Variants in STIM2 observed in about 807,000 individuals in gnomAD.
STIM2 encodes stromal interaction molecule 2.
STIM2 carries 31 observed loss-of-function variants against 85.8 expected under a neutral mutation model. That is an observed-to-expected ratio of 0.36 (90% CI 0.27 to 0.49). The LOEUF (loss-of-function observed/expected upper bound fraction) is 0.49. Among genes scored for constraint, STIM2 ranks in the 20% least tolerant of loss-of-function variants. STIM2 has a pLI of 0.98. For missense variants in STIM2, 841 were observed against 927.6 expected (o/e 0.91, Z 1.21); for synonymous variants, 356 against 331.1 (o/e 1.08, Z -0.82).
chr4:26,922,186 A>G (rs1054538914), intron 2 of STIM2, among the ~76,000 whole-genome samples: 3 of 152,098 alleles, frequency 2.0e-5, no homozygotes, highest in African/African-American at 4.8e-5. Flanking sequence ...TTCTCTCAAC[A>G]TCATTATCAT....
At chr4:26,877,288 T>A (rs1402379037) in intron 1 of STIM2, among the ~76,000 whole-genome samples, 1 of 152,192 alleles carries the variant, frequency 6.6e-6, no homozygotes. Flanking sequence ...TGATAAATTC[T>A]TATTTTTAAT....
At chr4:26,897,413 C>T (rs949826052) in intron 1 of STIM2, among the ~76,000 whole-genome samples, 2 of 152,138 alleles carry the variant, frequency 1.3e-5, no homozygotes, top group African/African-American at 4.8e-5. Flanking sequence ...TATCTGTCAT[C>T]TCTGTATCCT....
chr4:26,908,685 T>C (rs965131595), intron 1 of STIM2, among the ~76,000 whole-genome samples: 12 of 152,230 alleles, frequency 7.9e-5, no homozygotes, highest in South Asian at 4.1e-4. Flanking sequence ...AGTTTCACCA[T>C]GTTGGCCAGG....
intron 1 of STIM2, among the ~76,000 whole-genome samples, chr4:26,897,183 T>G (rs1702188753): frequency 6.6e-6 from 1 of 152,234 alleles, no homozygotes. Context: ...GAGTGATGTT[T>G]AACTTTTTAA....
chr4:26,969,357 A>G (rs1726844743), intron 3 of STIM2, among the ~76,000 whole-genome samples: 1 of 152,172 alleles, frequency 6.6e-6, no homozygotes, highest in South Asian at 2.1e-4. Context: ...TGGCTTATGC[A>G]TTTGTTTGGT....
At chr4:26,950,321 A>G (rs1251499463) in intron 2 of STIM2, among the ~76,000 whole-genome samples, 1 of 149,906 alleles carries the variant, frequency 6.7e-6, no homozygotes, top group African/African-American at 2.5e-5. Flanking sequence ...ATGTACAAAA[A>G]CTGCATACCT....
At position 26,861,510 on chromosome 4, in the gene STIM2, C is replaced by T. The variant is rs561662822; in HGVS notation, c.151+141C>T. ...CGATGCGGAGCCCTGCCTGCTGCTT[C>T]GTCGCGGTCCCCTGCACTCCGGACG... is the stretch of plus-strand genomic sequence containing the variant. On this transcript the variant is annotated intron_variant, in intron 1 of 11. Coordinates refer to ENST00000467087, the MANE Select transcript of STIM2 (RefSeq NM_020860.4). 3.4e-4 allele frequency: 402 copies of T among 1,195,340 alleles called. 3 individuals carry two copies. In the African/African-American group the frequency reaches 5.1e-3, roughly 15 times the overall value. The allele number at this position is 1,195,340 out of a possible 1,614,324, so 74.0% of individuals were successfully genotyped here. A position where few individuals can be genotyped will look rare whatever the true frequency, so the allele number is the denominator to read the frequency against.
At chr4:27,018,375 C>T (rs748351814) in intron 11 of STIM2, among the ~76,000 whole-genome samples, 17 of 152,206 alleles carry the variant, frequency 1.1e-4, no homozygotes, top group Non-Finnish European at 2.4e-4. Context: ...AGGCTGTCCA[C>T]TGTTCCTTGC....
At chr4:26,948,046 A>T (rs1013620933) in intron 2 of STIM2, among the ~76,000 whole-genome samples, 46 of 152,298 alleles carry the variant, frequency 3.0e-4, no homozygotes, top group African/African-American at 1.0e-3. Context: ...CAAAAAGGAA[A>T]TGTATTGGGT....
chr4:26,945,747 A>G (rs114334005), intron 2 of STIM2, among the ~76,000 whole-genome samples: 5,540 of 151,960 alleles, frequency 0.036, 209 homozygotes, highest in African/African-American at 0.094. Flanking sequence ...TGTATGTCGT[A>G]TTTTGAGAAG....
chr4:26,948,860 A>G (rs1298821764), intron 2 of STIM2, among the ~76,000 whole-genome samples: 1 of 152,068 alleles, frequency 6.6e-6, no homozygotes, highest in Non-Finnish European at 1.5e-5. Flanking sequence ...ACAAAGGGCT[A>G]GTGACTTCTC....
chr4:26,962,381 A>G (rs1474368255), intron 3 of STIM2, among the ~76,000 whole-genome samples: 1 of 152,210 alleles, frequency 6.6e-6, no homozygotes, highest in East Asian at 1.9e-4. Flanking sequence ...TAGTCTCACA[A>G]TATTTATTGA....
intron 1 of STIM2, among the ~76,000 whole-genome samples, chr4:26,896,454 A>C (rs1311207682): frequency 2.0e-5 from 3 of 152,208 alleles, no homozygotes; most frequent in Non-Finnish European, 2.9e-5. Context: ...GGAACAATTT[A>C]GAATTCTGTC....
intron 1 of STIM2, chr4:26,873,719 GA>G (rs1722713033): frequency 6.9e-6 from 6 of 865,114 alleles, no homozygotes; most frequent in Middle Eastern, 5.1e-4. Context: ...AGCTTCTGGA[GA>G]TGCTGAATTT....
chr4:26,895,630 A>C (rs919461890), intron 1 of STIM2, among the ~76,000 whole-genome samples: 2 of 152,168 alleles, frequency 1.3e-5, no homozygotes, highest in African/African-American at 4.8e-5. Context: ...ATCAGTTTTA[A>C]GTCTCCATCT....
At chr4:26,976,108 C>T (rs1043673373) in intron 3 of STIM2, among the ~76,000 whole-genome samples, 5 of 152,190 alleles carry the variant, frequency 3.3e-5, no homozygotes, top group East Asian at 3.9e-4. Flanking sequence ...TTGGGGAAAG[C>T]GCAGTATTTG....
intron 2 of STIM2, among the ~76,000 whole-genome samples, chr4:26,946,816 C>T (rs1328383350): frequency 1.3e-5 from 2 of 152,104 alleles, no homozygotes; most frequent in East Asian, 1.9e-4. Flanking sequence ...TTATAATTCG[C>T]GGTCTCTTGT....
chr4:26,922,109 T>C (rs1724822019), intron 2 of STIM2, among the ~76,000 whole-genome samples: 3 of 152,202 alleles, frequency 2.0e-5, no homozygotes, highest in South Asian at 2.1e-4. Flanking sequence ...TTTATTGTTA[T>C]TGGAAAACAA....
chr4:27,008,616 T>C, intron 9 of STIM2, 88 bp downstream of exon 9: 2 of 1,113,422 alleles, frequency 1.8e-6, no homozygotes, highest in Non-Finnish European at 1.3e-6. Context: ...ATCATTTATA[T>C]AATTACATAA....
Sources: allele counts gnomAD v4.1 joint callset (sites outside exome capture counted in the v4.1 genomes callset), GRCh38; gene constraint gnomAD v4.1.1; transcripts MANE v1.5; gene names NCBI Gene and HGNC (gene_info 2026-07-23, HGNC 2026-07-21).